ARL15: variants seen among roughly 807,000 people sequenced by gnomAD.
ARL15 encodes ADP-ribosylation factor-like protein 15.
Under a neutral mutation model 25.2 loss-of-function variants are expected in ARL15, and 19 were observed. The ratio of observed to expected loss-of-function variants is 0.75; its 90% CI spans 0.53 to 1.10. ARL15 has a LOEUF of 1.10. ARL15 is among the 50% of genes least tolerant of loss of function. ARL15 has a pLI of 0.00. For synonymous variants in ARL15, 94 were observed against 86.8 expected (o/e 1.08, Z -0.46); for missense variants, 220 against 246.0 (o/e 0.89, Z 0.71).
At chr5:53,972,821 G>A (rs73110873) in intron 4 of ARL15, among the ~76,000 whole-genome samples, 3,140 of 152,170 alleles carry the variant, frequency 0.021, 97 homozygotes, top group African/African-American at 0.071. Context: ...AGATTTCAAC[G>A]TCAAGGAGTA....
chr5:54,302,220 C>A (rs190393903), intron 1 of ARL15, among the ~76,000 whole-genome samples: 149 of 152,286 alleles, frequency 9.8e-4, no homozygotes, highest in Admixed American at 2.0e-3. Flanking sequence ...TTCACACAGT[C>A]TCTCTCACTC....
intron 1 of ARL15, among the ~76,000 whole-genome samples, chr5:54,202,645 A>T (rs1755755438): frequency 6.6e-6 from 1 of 152,192 alleles, no homozygotes; most frequent in African/African-American, 2.4e-5. Context: ...TAAGCTACTT[A>T]GTTTGTGGTA....
chr5:54,298,403 G>A (rs759880340), intron 1 of ARL15, among the ~76,000 whole-genome samples: 1 of 152,042 alleles, frequency 6.6e-6, no homozygotes, highest in Non-Finnish European at 1.5e-5. Context: ...TCGGCCCTCC[G>A]TCCTCACTGC....
At chr5:54,299,747 G>A (rs567582597) in intron 1 of ARL15, among the ~76,000 whole-genome samples, 3 of 151,898 alleles carry the variant, frequency 2.0e-5, no homozygotes, top group Non-Finnish European at 2.9e-5. Context: ...GCACCACTAC[G>A]CCTGGCTAAT....
intron 1 of ARL15, among the ~76,000 whole-genome samples, chr5:54,303,700 G>T (rs1447636447): frequency 7.3e-6 from 1 of 136,460 alleles, no homozygotes; most frequent in Non-Finnish European, 1.6e-5. Flanking sequence ...AAAAAAAGAA[G>T]AAAGAGGAGG....
At chr5:53,913,057 T>G (rs1745517534) in intron 4 of ARL15, among the ~76,000 whole-genome samples, 1 of 152,144 alleles carries the variant, frequency 6.6e-6, no homozygotes, top group African/African-American at 2.4e-5. Flanking sequence ...CCCAGCACTT[T>G]CGGAGGCTGA....
At chr5:54,241,337 G>T (rs1007399856) in intron 1 of ARL15, among the ~76,000 whole-genome samples, 1 of 151,554 alleles carries the variant, frequency 6.6e-6, no homozygotes, top group Non-Finnish European at 1.5e-5. Flanking sequence ...AATGGTTGTG[G>T]TAGTAAAAAT....
chr5:54,243,622 A>G (rs1185179208), intron 1 of ARL15, among the ~76,000 whole-genome samples: 1 of 152,246 alleles, frequency 6.6e-6, no homozygotes, highest in Non-Finnish European at 1.5e-5. Flanking sequence ...GACCAAGGAA[A>G]TGGTTATTGA....
At chr5:54,229,574 CT>C (rs1339533026) in intron 1 of ARL15, among the ~76,000 whole-genome samples, 1 of 152,190 alleles carries the variant, frequency 6.6e-6, no homozygotes, top group African/African-American at 2.4e-5. Flanking sequence ...AAGATCTTAG[CT>C]TGAGATACAC....
At chr5:54,013,935 G>T (rs967396048) in intron 4 of ARL15, among the ~76,000 whole-genome samples, 1 of 152,032 alleles carries the variant, frequency 6.6e-6, no homozygotes, top group African/African-American at 2.4e-5. Flanking sequence ...CCACTAGGCT[G>T]CCTTGCAATA....
chr5:54,201,679 C>T (rs1432102461), intron 1 of ARL15, among the ~76,000 whole-genome samples: 1 of 152,128 alleles, frequency 6.6e-6, no homozygotes, highest in Non-Finnish European at 1.5e-5. Flanking sequence ...CCTCCCCATG[C>T]TGTACTTGAA....
At chr5:54,058,867 A>G (rs1206229298) in intron 4 of ARL15, among the ~76,000 whole-genome samples, 1 of 152,202 alleles carries the variant, frequency 6.6e-6, no homozygotes, top group Non-Finnish European at 1.5e-5. Context: ...CACATAGAGG[A>G]GCAAGGCGGG....
intron 4 of ARL15, among the ~76,000 whole-genome samples, chr5:53,889,281 A>G (rs1184911273): frequency 2.0e-5 from 3 of 152,236 alleles, no homozygotes; most frequent in Non-Finnish European, 4.4e-5. Flanking sequence ...AAAGTATATC[A>G]GTAATATGTG....
chr5:54,230,347 A>AAAAG (rs1756635104), intron 1 of ARL15, among the ~76,000 whole-genome samples: 1 of 42,018 alleles, frequency 2.4e-5, no homozygotes, highest in Admixed American at 1.7e-4. Flanking sequence ...TCCATCTCAG[A>AAAAG]AAAAAAAAAA....
intron 1 of ARL15, among the ~76,000 whole-genome samples, chr5:54,287,260 T>G (rs1181302564): frequency 6.6e-6 from 1 of 152,050 alleles, no homozygotes; most frequent in African/African-American, 2.4e-5. Context: ...CTAGCATCAG[T>G]GATCTTCCAG....
chr5:53,973,306 G>A (rs957113501), intron 4 of ARL15, among the ~76,000 whole-genome samples: 8 of 152,100 alleles, frequency 5.3e-5, no homozygotes, highest in African/African-American at 1.7e-4. Context: ...GGGCATGGTG[G>A]CTCACGCCTG....
chr5:54,173,198 A>C (rs1015013444), intron 1 of ARL15, among the ~76,000 whole-genome samples: 8 of 149,712 alleles, frequency 5.3e-5, no homozygotes, highest in African/African-American at 1.9e-4. Context: ...AAAAAAAAAA[A>C]AGAAAAGAAA....
intron 1 of ARL15, among the ~76,000 whole-genome samples, chr5:54,193,441 G>A (rs1024235522): frequency 6.6e-6 from 1 of 152,200 alleles, no homozygotes; most frequent in African/African-American, 2.4e-5. Context: ...AGCAGCAGGT[G>A]AGCAAGGGAG....
chr5:54,070,795 AG>A (rs1471819418), intron 4 of ARL15, among the ~76,000 whole-genome samples: 11 of 151,758 alleles, frequency 7.2e-5, no homozygotes, highest in African/African-American at 2.4e-4. Context: ...CAGTGAGCCT[AG>A]ATCACAGAGC....
Sources: gnomAD v4.1 joint callset for allele counts (sites outside exome capture counted in the v4.1 genomes callset) on GRCh38, gnomAD v4.1.1 for gene constraint, MANE v1.5 for transcripts, NCBI Gene and HGNC (gene_info 2026-07-23, HGNC 2026-07-21) for gene names.